The following SULF2 variants were observed in gnomAD, a reference collection of about 807,000 sequenced individuals.
SULF2 encodes the protein extracellular sulfatase Sulf-2.
Under a neutral mutation model 107.7 loss-of-function variants are expected in SULF2, and 52 were observed. That is an observed-to-expected ratio of 0.48 (90% CI 0.39 to 0.61). The LOEUF (loss-of-function observed/expected upper bound fraction) is 0.61, where lower values mean the gene tolerates loss of function less well. Among genes scored for constraint, SULF2 ranks in the 20% least tolerant of loss-of-function variants. The pLI is 0.00. For synonymous variants in SULF2, 460 were observed against 464.3 expected (o/e 0.99, Z 0.12); for missense variants, 993 against 1,177.3 (o/e 0.84, Z 2.29).
intron 1 of SULF2, 123 bp from the exon 2 acceptor site, chr20:47,757,586 T>C (rs2090324439): frequency 5.8e-6 from 3 of 520,024 alleles, no homozygotes; most frequent in African/African-American, 1.9e-5. Flanking sequence ...GGGGTGGCTA[T>C]GGCAGAGTGA....
chr20:47,750,520 C>G (rs1244494204), intron 2 of SULF2, among the ~76,000 whole-genome samples: 1 of 152,224 alleles, frequency 6.6e-6, no homozygotes, highest in African/African-American at 2.4e-5. Context: ...TTGGGCTCAT[C>G]TCATGCGTGG....
chr20:47,757,364 C>G lies in SULF2; in HGVS notation c.-1G>C. 6.3e-7 allele frequency: 1 copy of G among 1,581,456 alleles called. No individual in the cohort carries two copies. Among genetic ancestry groups the G allele is most frequent in the Non-Finnish European group, 8.6e-7 (1 of 1,160,222 alleles). Reference sequence around the variant, plus strand: ...ACAGCACGAGGCTCGGGGGGCCCATCTTCTTTTTTTGCTGATCTGGTGCTT... The same window carrying G: ...ACAGCACGAGGCTCGGGGGGCCCATGTTCTTTTTTTGCTGATCTGGTGCTT... On this transcript the variant is annotated 5_prime_UTR_variant, in exon 2 of 21. Coordinates refer to ENST00000688720, the MANE Select transcript of SULF2 (RefSeq NM_001387048.1).
At chr20:47,740,118 T>G (rs1231361460) in intron 2 of SULF2, among the ~76,000 whole-genome samples, 2 of 152,220 alleles carry the variant, frequency 1.3e-5, no homozygotes, top group Admixed American at 1.3e-4. Flanking sequence ...TTATAATTAA[T>G]AGTGGCGACT....
rs913572602 is a variant in SULF2, at chr20:47,694,521, C to T, written c.568-4226G>A. Among the ~76,000 whole-genome samples, 1 of 152,148 alleles carries T rather than the reference C, an allele frequency of 6.6e-6. No homozygotes were observed. Among genetic ancestry groups the T allele is most frequent in the Admixed American group, 6.5e-5 (1 of 15,274 alleles). ...CCCAGGTGCATTTTCCAGAACCCGG[C>T]GCCCAGGAGTCAGGCTCTACCCAGG... On this transcript the variant is annotated intron_variant, in intron 4 of 20. Transcript: ENST00000688720. This position sits in a 1 kb window ranked among gnomAD's most constrained non-coding sequence, Gnocchi z 4.4.
At chr20:47,741,063 C>A (rs114067782) in intron 2 of SULF2, among the ~76,000 whole-genome samples, 1 of 152,174 alleles carries the variant, frequency 6.6e-6, no homozygotes, top group African/African-American at 2.4e-5. Context: ...GTGGGTCAGG[C>A]GATCATCCTC....
At chr20:47,714,973 A>G (rs902119044) in intron 3 of SULF2, among the ~76,000 whole-genome samples, 5 of 152,154 alleles carry the variant, frequency 3.3e-5, no homozygotes, top group African/African-American at 1.2e-4. Context: ...GCTGGAGTGC[A>G]GTGGTGCGGT....
At chr20:47,740,919 T>A (rs993929810) in intron 2 of SULF2, among the ~76,000 whole-genome samples, 3 of 152,078 alleles carry the variant, frequency 2.0e-5, no homozygotes, top group Admixed American at 2.0e-4. Flanking sequence ...CACTCCCCTT[T>A]CCTCCGGGTA....
chr20:47,699,459 G>T (rs765596784), intron 4 of SULF2, among the ~76,000 whole-genome samples: 1 of 151,822 alleles, frequency 6.6e-6, no homozygotes, highest in South Asian at 2.1e-4. Flanking sequence ...CACAGTAGGT[G>T]CTCAGTAAAT....
At chr20:47,672,475 G>GGA in intron 10 of SULF2, 82 bp from the exon 11 acceptor site, 2 of 1,468,398 alleles carry the variant, frequency 1.4e-6, no homozygotes, top group South Asian at 2.7e-5. Flanking sequence ...CATCCACCCT[G>GGA]GAGACATCCC....
chr20:47,714,447 A>G (rs756345322), intron 3 of SULF2, among the ~76,000 whole-genome samples: 1 of 152,114 alleles, frequency 6.6e-6, no homozygotes, highest in Non-Finnish European at 1.5e-5. Context: ...CTTCACCCTC[A>G]GGACACATCC....
At chr20:47,781,391 C>T (rs566215507) in intron 1 of SULF2, among the ~76,000 whole-genome samples, 1 of 152,384 alleles carries the variant, frequency 6.6e-6, no homozygotes, top group African/African-American at 2.4e-5. Flanking sequence ...TCTCAGCAGT[C>T]AGCCTCCATC....
chr20:47,670,058 A>G (rs1268783154), intron 11 of SULF2, among the ~76,000 whole-genome samples: 3 of 152,152 alleles, frequency 2.0e-5, no homozygotes, highest in Non-Finnish European at 4.4e-5. Flanking sequence ...GCTGTTATGG[A>G]GAGAGACTTA....
Position 47,678,528 on chromosome 20 carries a change from C to CGGGG in SULF2, c.1193+147_1193+148insCCCC. 1.0e-4 allele frequency: 101 copies of CGGGG among 995,992 alleles called. No individual in the cohort carries two copies. The highest frequency in any genetic ancestry group is 1.3e-4 in the Non-Finnish European group (90 of 673,416). The allele number at this position is 995,992 out of a possible 1,614,324, so 61.7% of individuals were successfully genotyped here. Reference sequence around the variant, plus strand: ...GAGAGGGGACCATGCTTCTCTCCCACAGCAGGTAAGTGGTTGGCATGGCGG... The same window carrying CGGGG: ...GAGAGGGGACCATGCTTCTCTCCCACGGGGAGCAGGTAAGTGGTTGGCATGGCGG... On this transcript the variant is annotated intron_variant, in intron 8 of 20. Coordinates refer to ENST00000688720, the MANE Select transcript of SULF2 (RefSeq NM_001387048.1). The surrounding 1 kb of genome is among the most constrained non-coding windows in gnomAD (Gnocchi z 4.5).
intron 5 of SULF2, chr20:47,685,055 T>C (rs1484593467): frequency 6.5e-5 from 10 of 152,982 alleles, no homozygotes; most frequent in African/African-American, 2.4e-4. Context: ...TTACCTTTGG[T>C]GAATGGCAGG....
chr20:47,731,187 CT>C (rs71183273), intron 3 of SULF2, among the ~76,000 whole-genome samples: 47 of 81,166 alleles, frequency 5.8e-4, no homozygotes, highest in Admixed American at 2.7e-3. Context: ...TGTATCTTCT[CT>C]TTTTTTTTTT....
intron 1 of SULF2, among the ~76,000 whole-genome samples, chr20:47,773,847 C>T (rs1272125083): frequency 2.6e-5 from 4 of 152,188 alleles, no homozygotes; most frequent in African/African-American, 9.7e-5. Flanking sequence ...TTTTCTTAGC[C>T]CTGCTTACCC....
chr20:47,716,543 C>A (rs2089128186), intron 3 of SULF2, among the ~76,000 whole-genome samples: 1 of 152,122 alleles, frequency 6.6e-6, no homozygotes, highest in Admixed American at 6.5e-5. Context: ...TTTTCCCAAA[C>A]AAAATACAAT....
chr20:47,776,124 C>T (rs2090720421), intron 1 of SULF2, among the ~76,000 whole-genome samples: 1 of 152,146 alleles, frequency 6.6e-6, no homozygotes, highest in South Asian at 2.1e-4. Context: ...AGGGAAAGTG[C>T]AATGAAAAGC....
At chr20:47,771,932 T>C (rs1478173861) in intron 1 of SULF2, among the ~76,000 whole-genome samples, 1 of 152,198 alleles carries the variant, frequency 6.6e-6, no homozygotes, top group Non-Finnish European at 1.5e-5. Context: ...CCCCAGGAAG[T>C]TTCTGGCAAG....
Sources: allele counts gnomAD v4.1 joint callset (sites outside exome capture counted in the v4.1 genomes callset), GRCh38; gene constraint gnomAD v4.1.1; non-coding constraint Gnocchi (gnomAD v3.1); transcripts MANE v1.5; gene names NCBI Gene and HGNC (gene_info 2026-07-23, HGNC 2026-07-21).